KCNN2: variants seen among roughly 807,000 people sequenced by gnomAD.
KCNN2 encodes the protein potassium calcium-activated channel subfamily N member 2.
KCNN2 carries 24 observed loss-of-function variants against 55.5 expected under a neutral mutation model. The ratio of observed to expected loss-of-function variants is 0.43; its 90% CI spans 0.31 to 0.61. KCNN2 has a LOEUF of 0.61. Among genes scored for constraint, KCNN2 ranks in the 20% least tolerant of loss-of-function variants. The pLI, the probability that KCNN2 is intolerant of heterozygous loss-of-function variation, is 0.08. For missense variants in KCNN2, 754 were observed against 853.6 expected (o/e 0.88, Z 1.45); for synonymous variants, 431 against 336.1 (o/e 1.28, Z -3.09).
intron 1 of KCNN2, among the ~76,000 whole-genome samples, chr5:114,092,666 A>T (rs925402357): frequency 6.6e-6 from 1 of 152,168 alleles, no homozygotes; most frequent in Non-Finnish European, 1.5e-5. Flanking sequence ...CATCCTCTGA[A>T]ATCTCAGCAG....
At chr5:114,193,281 A>G (rs904698576) in intron 1 of KCNN2, among the ~76,000 whole-genome samples, 3 of 151,756 alleles carry the variant, frequency 2.0e-5, no homozygotes, top group Non-Finnish European at 4.4e-5. Flanking sequence ...GACTCGTTTT[A>G]CTCCAGTCAT....
intron 2 of KCNN2, among the ~76,000 whole-genome samples, chr5:114,257,446 G>A (rs374180263): frequency 6.6e-6 from 1 of 152,030 alleles, no homozygotes; most frequent in East Asian, 1.9e-4. Context: ...GCTTTGGGCA[G>A]TATGGTCATT....
chr5:114,284,667 G>A (rs781641929), intron 2 of KCNN2, among the ~76,000 whole-genome samples: 3 of 152,014 alleles, frequency 2.0e-5, no homozygotes, highest in African/African-American at 2.4e-5. Context: ...AAAGGAATGC[G>A]CCACCATACC....
At chr5:114,112,461 A>G (rs924663382) in intron 1 of KCNN2, among the ~76,000 whole-genome samples, 1 of 152,224 alleles carries the variant, frequency 6.6e-6, no homozygotes, top group Non-Finnish European at 1.5e-5. Context: ...CATGTACCAT[A>G]GAACCAAAGT....
chr5:114,134,637 G>A (rs376181727), intron 1 of KCNN2, among the ~76,000 whole-genome samples: 3 of 151,928 alleles, frequency 2.0e-5, no homozygotes, highest in East Asian at 1.9e-4. Flanking sequence ...CACGGCTCCC[G>A]GCAAATTTTT....
intron 3 of KCNN2, among the ~76,000 whole-genome samples, chr5:114,431,605 T>C (rs1759796973): frequency 2.0e-5 from 3 of 151,506 alleles, no homozygotes; most frequent in Admixed American, 6.6e-5. Flanking sequence ...ATTTTTTAAT[T>C]CTTTTCCTTT....
chr5:114,101,017 T>C (rs927562272), intron 1 of KCNN2, among the ~76,000 whole-genome samples: 2 of 152,006 alleles, frequency 1.3e-5, no homozygotes, highest in Non-Finnish European at 2.9e-5. Flanking sequence ...TGGATATACT[T>C]ACATTAAGTG....
At chr5:114,255,802 A>G (rs1216203397) in intron 2 of KCNN2, among the ~76,000 whole-genome samples, 3 of 152,168 alleles carry the variant, frequency 2.0e-5, no homozygotes, top group African/African-American at 7.2e-5. Flanking sequence ...TAGTAAAATC[A>G]GGTCTTAAGG....
intron 1 of KCNN2, among the ~76,000 whole-genome samples, chr5:114,166,610 C>T (rs1410354189): frequency 6.6e-6 from 1 of 152,098 alleles, no homozygotes; most frequent in Non-Finnish European, 1.5e-5. Flanking sequence ...ACGGTTTTCA[C>T]CTGGTTCTCT....
chr5:114,451,626 G>T (rs998055591), intron 3 of KCNN2, among the ~76,000 whole-genome samples: 6 of 152,178 alleles, frequency 3.9e-5, no homozygotes, highest in Admixed American at 3.3e-4. Flanking sequence ...GCTGGAGGCG[G>T]TGGCTCAAGC....
chr5:114,449,879 T>TACATAC (rs1760579561), intron 3 of KCNN2, among the ~76,000 whole-genome samples: 1 of 93,368 alleles, frequency 1.1e-5, no homozygotes, highest in Non-Finnish European at 2.6e-5. Context: ...CATCCAAACA[T>TACATAC]ACACACACAC....
intron 3 of KCNN2, among the ~76,000 whole-genome samples, chr5:114,423,627 C>T (rs989414271): frequency 3.3e-5 from 5 of 152,108 alleles, no homozygotes; most frequent in African/African-American, 1.2e-4. Context: ...GGCATTTCTT[C>T]TTGGTTGTGG....
chr5:114,186,324 A>G (rs1753330460), intron 1 of KCNN2, among the ~76,000 whole-genome samples: 1 of 152,114 alleles, frequency 6.6e-6, no homozygotes, highest in South Asian at 2.1e-4. Flanking sequence ...GTACTTAGGT[A>G]TTTTCTTATA....
chr5:114,396,152 A>G (rs1195522330), intron 2 of KCNN2, among the ~76,000 whole-genome samples: 1 of 127,990 alleles, frequency 7.8e-6, no homozygotes, highest in Admixed American at 8.3e-5. Flanking sequence ...CCATGTTTGC[A>G]TCTTCTCTTT....
At chr5:114,171,691 G>A (rs1476154279) in intron 1 of KCNN2, among the ~76,000 whole-genome samples, 3 of 97,906 alleles carry the variant, frequency 3.1e-5, no homozygotes, top group Non-Finnish European at 4.4e-5. Flanking sequence ...TTTTTTTTTT[G>A]AGAACTGTGT....
At chr5:114,173,225 A>G (rs531546610) in intron 1 of KCNN2, among the ~76,000 whole-genome samples, 1 of 152,206 alleles carries the variant, frequency 6.6e-6, no homozygotes, top group African/African-American at 2.4e-5. Flanking sequence ...CCTTTGTAAA[A>G]AATGAGTTCA....
At chr5:114,166,089 A>G (rs144548715) in intron 1 of KCNN2, among the ~76,000 whole-genome samples, 2 of 152,106 alleles carry the variant, frequency 1.3e-5, no homozygotes, top group African/African-American at 2.4e-5. Context: ...ATGGGGTTTC[A>G]CCGTGTTAGT....
chr5:114,415,014 T>C (rs999436669), intron 3 of KCNN2, among the ~76,000 whole-genome samples: 3 of 152,354 alleles, frequency 2.0e-5, no homozygotes, highest in Non-Finnish European at 4.4e-5. Flanking sequence ...TGACCACTAA[T>C]ATACTATCTG....
At chr5:114,190,124 A>G (rs1753421242) in intron 1 of KCNN2, among the ~76,000 whole-genome samples, 1 of 152,144 alleles carries the variant, frequency 6.6e-6, no homozygotes, top group Non-Finnish European at 1.5e-5. Flanking sequence ...AATGTTTATT[A>G]GGCTCCTGTT....
Sources: allele counts gnomAD v4.1 joint callset (sites outside exome capture counted in the v4.1 genomes callset), GRCh38; gene constraint gnomAD v4.1.1; transcripts MANE v1.5; gene names NCBI Gene and HGNC (gene_info 2026-07-23, HGNC 2026-07-21).